The following ABTB2 variants were observed in gnomAD, a reference collection of about 807,000 sequenced individuals.
ABTB2 encodes ankyrin repeat and BTB/POZ domain-containing protein 2.
In ABTB2, 56 loss-of-function variants were observed where a neutral mutation model predicts 104.1. The ratio of observed to expected loss-of-function variants is 0.54; its 90% CI spans 0.43 to 0.67. The LOEUF is 0.67. Ranked by LOEUF, ABTB2 falls within the 30% of genes least tolerant of loss-of-function variation. ABTB2 has a pLI of 0.00. For synonymous variants in ABTB2, 606 were observed against 608.2 expected, an observed-to-expected ratio of 1.00 and a Z score of 0.05; for missense variants, 1,279 against 1,407.7, an observed-to-expected ratio of 0.91 and a Z score of 1.46.
At chr11:34,164,066 C>T (rs969166387) in intron 9 of ABTB2, among the ~76,000 whole-genome samples, 18 of 152,002 alleles carry the variant, frequency 1.2e-4, no homozygotes, top group Admixed American at 9.8e-4. Context: ...AGAATGGTGT[C>T]GGGGAACTGG....
intron 2 of ABTB2, among the ~76,000 whole-genome samples, chr11:34,198,089 T>TAC (rs1853285533): frequency 6.6e-6 from 1 of 152,202 alleles, no homozygotes; most frequent in African/African-American, 2.4e-5. Context: ...ATTTGATCCT[T>TAC]ACAGTGCTAG....
chr11:34,171,953 G>C (rs1244365920), intron 4 of ABTB2, among the ~76,000 whole-genome samples: 1 of 152,218 alleles, frequency 6.6e-6, no homozygotes, highest in Non-Finnish European at 1.5e-5. Flanking sequence ...CAGACGTCCA[G>C]TTGGCAGCTT....
intron 3 of ABTB2, among the ~76,000 whole-genome samples, chr11:34,188,148 T>C (rs1413861865): frequency 2.6e-5 from 4 of 152,172 alleles, no homozygotes. Context: ...ACTTGGCAAA[T>C]CACGTAACTT....
At chr11:34,273,421 A>G (rs1565156289) in intron 1 of ABTB2, among the ~76,000 whole-genome samples, 2 of 152,178 alleles carry the variant, frequency 1.3e-5, no homozygotes, top group Admixed American at 6.5e-5. Context: ...TGCTTCAGAG[A>G]GTAAGCTGGC....
chr11:34,334,218 CA>C (rs1187028252), intron 1 of ABTB2, among the ~76,000 whole-genome samples: 1 of 152,122 alleles, frequency 6.6e-6, no homozygotes, highest in African/African-American at 2.4e-5. Context: ...ACAGCAAGGA[CA>C]AAAACAACCC....
At chr11:34,352,791 C>T (rs2133130330) in intron 1 of ABTB2, among the ~76,000 whole-genome samples, 1 of 152,342 alleles carries the variant, frequency 6.6e-6, no homozygotes, top group Admixed American at 6.5e-5. Flanking sequence ...CATGATGGGT[C>T]ATGCCTGTAA....
At chr11:34,291,392 C>T (rs1279888544) in intron 1 of ABTB2, among the ~76,000 whole-genome samples, 2 of 152,230 alleles carry the variant, frequency 1.3e-5, no homozygotes, top group Non-Finnish European at 2.9e-5. Context: ...GGCTGTAAAA[C>T]TGGCAATTCT....
At chr11:34,197,210 G>T in intron 3 of ABTB2, 115 bp downstream of exon 3, 1 of 1,161,538 alleles carries the variant, frequency 8.6e-7, no homozygotes, top group Non-Finnish European at 1.3e-6. Flanking sequence ...GCATAGCACA[G>T]TTCCAGGGCC....
rs530755581 is a variant in ABTB2, at chr11:34,299,316, G to A, written c.883+57385C>T. On this transcript the variant is annotated intron_variant, in intron 1 of 16. Coordinates refer to ENST00000435224, the MANE Select transcript of ABTB2 (RefSeq NM_145804.3). The stretch of plus-strand genomic sequence containing the variant: ...TTCTAGGACACGGCTATACACGATG[G>A]TCATGGACCAAAGAAAATGAAATCC... Among the ~76,000 whole-genome samples the A allele has an allele frequency of 6.6e-5, 10 of 152,238 alleles. No individual in the cohort carries two copies. The South Asian group carries it at 2.1e-3, about 32-fold the overall frequency.
intron 3 of ABTB2, among the ~76,000 whole-genome samples, chr11:34,195,082 GGGGAGT>G (rs1853237234): frequency 1.1e-5 from 1 of 94,946 alleles, no homozygotes; most frequent in Non-Finnish European, 2.5e-5. Context: ...CGGCGGGGGG[GGGGAGT>G]GGGGGCGGGA....
At chr11:34,272,717 A>AAAAAAAAC (rs1854332843) in intron 1 of ABTB2, among the ~76,000 whole-genome samples, 1 of 149,138 alleles carries the variant, frequency 6.7e-6, no homozygotes, top group African/African-American at 2.5e-5. Flanking sequence ...AAAAAAAAAA[A>AAAAAAAAC]AAAAAAAAAA....
At chr11:34,254,802 G>A (rs1050036080) in intron 1 of ABTB2, among the ~76,000 whole-genome samples, 1 of 151,006 alleles carries the variant, frequency 6.6e-6, no homozygotes, top group Non-Finnish European at 1.5e-5. Context: ...CTCCCGAGTA[G>A]CTGGAATTAT....
intron 1 of ABTB2, among the ~76,000 whole-genome samples, chr11:34,293,726 A>AT (rs78765419): frequency 3.5e-4 from 52 of 149,332 alleles, no homozygotes; most frequent in African/African-American, 4.9e-4. Context: ...AACAAGGTAA[A>AT]TTTTTTTTTT....
intron 1 of ABTB2, among the ~76,000 whole-genome samples, chr11:34,258,553 A>C (rs915025609): frequency 6.6e-6 from 1 of 151,766 alleles, no homozygotes; most frequent in Admixed American, 6.6e-5. Context: ...GTGAGTTAAA[A>C]TATGCACAGT....
chr11:34,236,926 C>T (rs1187296616), intron 1 of ABTB2, among the ~76,000 whole-genome samples: 1 of 152,152 alleles, frequency 6.6e-6, no homozygotes, highest in Non-Finnish European at 1.5e-5. Flanking sequence ...ATAATTCTCT[C>T]CTTGGTGAAC....
intron 1 of ABTB2, among the ~76,000 whole-genome samples, chr11:34,346,821 C>G (rs541228278): frequency 7.2e-5 from 11 of 152,332 alleles, no homozygotes; most frequent in African/African-American, 2.2e-4. Flanking sequence ...TAGCTCTGTA[C>G]TGGATTGTTC....
At chr11:34,157,065 G>A (rs1852638846) in intron 14 of ABTB2, among the ~76,000 whole-genome samples, 1 of 152,282 alleles carries the variant, frequency 6.6e-6, no homozygotes, top group African/African-American at 2.4e-5. Context: ...CCGCCTGCAT[G>A]AGAGTCAATG....
At chr11:34,261,624 G>A (rs1177352242) in intron 1 of ABTB2, among the ~76,000 whole-genome samples, 1 of 152,000 alleles carries the variant, frequency 6.6e-6, no homozygotes, top group African/African-American at 2.4e-5. Context: ...ATAAACCCCA[G>A]AAGGGAAGAG....
intron 1 of ABTB2, among the ~76,000 whole-genome samples, chr11:34,214,391 A>T (rs1342819133): frequency 6.6e-6 from 1 of 152,120 alleles, no homozygotes; most frequent in African/African-American, 2.4e-5. Context: ...GAGAGAGGGG[A>T]TGAGATGTAA....
Sources: gnomAD v4.1 joint callset for allele counts (sites outside exome capture counted in the v4.1 genomes callset) on GRCh38, gnomAD v4.1.1 for gene constraint, MANE v1.5 for transcripts, NCBI Gene and HGNC (gene_info 2026-07-23, HGNC 2026-07-21) for gene names.